The following RBFOX1 variants were observed in gnomAD, a reference collection of about 807,000 sequenced individuals.
RBFOX1 encodes the protein RNA binding protein fox-1 homolog 1.
Under a neutral mutation model 57.7 loss-of-function variants are expected in RBFOX1, and 8 were observed. That is an observed-to-expected ratio of 0.14 (90% CI 0.08 to 0.25). The LOEUF (loss-of-function observed/expected upper bound fraction) is 0.25. Among genes scored for constraint, RBFOX1 ranks in the 10% least tolerant of loss-of-function variants. The pLI is 1.00. For synonymous variants in RBFOX1, 326 were observed against 222.4 expected (o/e 1.47, Z -4.15); for missense variants, 611 against 548.5 (o/e 1.11, Z -1.14).
chr16:6,582,938 C>T (rs1157588909), intron 2 of RBFOX1, among the ~76,000 whole-genome samples: 1 of 151,802 alleles, frequency 6.6e-6, no homozygotes, highest in Non-Finnish European at 1.5e-5. Context: ...CCCTCCCCTC[C>T]CCTCCTCTTT....
At chr16:7,637,293 A>T (rs994092319) in intron 11 of RBFOX1, among the ~76,000 whole-genome samples, 8 of 152,050 alleles carry the variant, frequency 5.3e-5, no homozygotes, top group Non-Finnish European at 1.2e-4. Flanking sequence ...AAGAAGGAAA[A>T]AAAAGATATC....
chr16:5,977,119 T>C (rs2060079584), intron 4 of RBFOX1, among the ~76,000 whole-genome samples: 1 of 152,156 alleles, frequency 6.6e-6, no homozygotes, highest in South Asian at 2.1e-4. Context: ...AATTTTCTAG[T>C]AAGCTAAATT....
In RBFOX1 at chr16:7,205,736, G is replaced by T. The variant is rs144818553; in HGVS notation, c.27+153638G>T. ...CTTTGGTGATGGGCAGAAAGAAAAC[G>T]AAGTCCCTGAGTCTTTGAAAAGGGC... On this transcript the variant is annotated intron_variant, in intron 4 of 15. Transcript: ENST00000550418. Among the ~76,000 whole-genome samples the T allele has an allele frequency of 2.0e-5, 3 of 152,296 alleles. No homozygotes were observed. The East Asian group carries it at 5.8e-4, about 29-fold the overall frequency.
chr16:6,483,410 C>G (rs2095406825), intron 2 of RBFOX1: 6 of 1,534,916 alleles, frequency 3.9e-6, no homozygotes, highest in South Asian at 2.4e-5. Flanking sequence ...ATTTACATTG[C>G]TAGCACGTGG....
At chr16:6,073,346 C>G (rs904572484) in intron 1 of RBFOX1, among the ~76,000 whole-genome samples, 1 of 152,174 alleles carries the variant, frequency 6.6e-6, no homozygotes, top group Non-Finnish European at 1.5e-5. Flanking sequence ...AAAATTCTCT[C>G]TTGTATCTGG....
At chr16:5,611,470 C>T (rs1028781655) in intron 3 of RBFOX1, 3 of 152,236 alleles carry the variant, frequency 2.0e-5, no homozygotes, top group Non-Finnish European at 2.9e-5. Context: ...TCCCTACCAG[C>T]GTTGTTGCTG....
At chr16:6,060,977 T>G (rs2095678149) in intron 1 of RBFOX1, among the ~76,000 whole-genome samples, 1 of 152,220 alleles carries the variant, frequency 6.6e-6, no homozygotes, top group Non-Finnish European at 1.5e-5. Flanking sequence ...CTGCAGTGAT[T>G]ACAATCCATG....
chr16:6,492,854 T>A (rs2095664682), intron 2 of RBFOX1, among the ~76,000 whole-genome samples: 3 of 152,264 alleles, frequency 2.0e-5, no homozygotes, highest in Admixed American at 2.0e-4. Context: ...TTTGAAAAAC[T>A]TTGTTAGAAA....
rs1286264943 is a variant in RBFOX1, at chr16:7,216,322, G to A, written c.27+164224G>A. Among the ~76,000 whole-genome samples the A allele has an allele frequency of 5.9e-5, 8 of 134,816 alleles. No individual in the cohort carries two copies. The South Asian group carries it at 7.7e-4, about 13-fold the overall frequency. The allele number at this position is 134,816 out of a possible 152,430, so 88.4% of individuals were successfully genotyped here. A position where few individuals can be genotyped will look rare whatever the true frequency, so the allele number is the denominator to read the frequency against. The stretch of plus-strand genomic sequence containing the variant: ...CCAGCTAGTCTTTTGACTTGTCTAA[G>A]CCACTGTTTTTTTCTTCCGTAAAAT... On this transcript the variant is annotated intron_variant, in intron 4 of 15. Transcript: ENST00000550418.
chr16:7,395,058 A>G (rs2148593464), intron 4 of RBFOX1, among the ~76,000 whole-genome samples: 1 of 152,236 alleles, frequency 6.6e-6, no homozygotes, highest in East Asian at 1.9e-4. Context: ...GACTAGGGGG[A>G]TAAATAGAGC....
At chr16:7,209,098 C>G (rs2090588030) in intron 4 of RBFOX1, among the ~76,000 whole-genome samples, 1 of 151,652 alleles carries the variant, frequency 6.6e-6, no homozygotes, top group Non-Finnish European at 1.5e-5. Context: ...AGTTCAAGAG[C>G]AGCCTGGCCA....
chr16:7,482,488 GTTGT>G (rs763643609), intron 4 of RBFOX1, among the ~76,000 whole-genome samples: 1 of 139,356 alleles, frequency 7.2e-6, no homozygotes, highest in African/African-American at 2.7e-5. Context: ...TGTTGTTGTT[GTTGT>G]TGTTTCTTAA....
chr16:7,313,958 G>T (rs769966083), intron 4 of RBFOX1, among the ~76,000 whole-genome samples: 1 of 152,202 alleles, frequency 6.6e-6, no homozygotes, highest in Non-Finnish European at 1.5e-5. Context: ...TGATGGAGTG[G>T]GCCTCTTTTC....
At chr16:6,559,207 A>G (rs1011279602) in intron 2 of RBFOX1, among the ~76,000 whole-genome samples, 4 of 152,028 alleles carry the variant, frequency 2.6e-5, no homozygotes, top group Non-Finnish European at 5.9e-5. Context: ...TCACATAGTC[A>G]CATGTCATGT....
intron 3 of RBFOX1, among the ~76,000 whole-genome samples, chr16:6,811,811 C>T (rs1359853139): frequency 6.6e-6 from 1 of 152,138 alleles, no homozygotes; most frequent in Non-Finnish European, 1.5e-5. Flanking sequence ...ATCGCTTGAA[C>T]CTGGGAGGCA....
intron 2 of RBFOX1, among the ~76,000 whole-genome samples, chr16:6,464,408 A>T (rs1227132685): frequency 6.4e-5 from 9 of 140,184 alleles, no homozygotes; most frequent in African/African-American, 1.6e-4. Flanking sequence ...GAAAATAGCT[A>T]CGCCAATACA....
intron 12 of RBFOX1, among the ~76,000 whole-genome samples, chr16:7,656,158 A>C (rs530343982): frequency 6.6e-6 from 1 of 152,332 alleles, no homozygotes; most frequent in Non-Finnish European, 1.5e-5. Context: ...TCAGCAGAGA[A>C]GCAGGAGCCC....
chr16:7,035,251 C>G (rs2044053465), intron 3 of RBFOX1, among the ~76,000 whole-genome samples: 1 of 152,076 alleles, frequency 6.6e-6, no homozygotes, highest in Admixed American at 6.6e-5. Context: ...CAAGTGAGAA[C>G]TGTACTTGGG....
At chr16:6,871,911 C>CTTTGTG (rs1411508387) in intron 3 of RBFOX1, among the ~76,000 whole-genome samples, 2 of 129,610 alleles carry the variant, frequency 1.5e-5, no homozygotes, top group Non-Finnish European at 1.6e-5. Flanking sequence ...GGGAGAGAGT[C>CTTTGTG]TGTGTGTGTG....
Sources: allele counts gnomAD v4.1 joint callset (sites outside exome capture counted in the v4.1 genomes callset), GRCh38; gene constraint gnomAD v4.1.1; transcripts MANE v1.5; gene names NCBI Gene and HGNC (gene_info 2026-07-23, HGNC 2026-07-21).